LAMA2: variants seen among roughly 807,000 people sequenced by gnomAD.
LAMA2 encodes laminin subunit alpha 2, also known as laminin subunit alpha-2.
A neutral mutation model predicts 364.8 loss-of-function variants in LAMA2; 269 were observed. The ratio of observed to expected loss-of-function variants is 0.74; its 90% CI spans 0.67 to 0.82. The LOEUF (loss-of-function observed/expected upper bound fraction) is 0.82, where lower values mean the gene tolerates loss of function less well. Ranked by LOEUF, LAMA2 falls within the 40% of genes least tolerant of loss-of-function variation. LAMA2 has a pLI of 0.00. For synonymous variants in LAMA2, 1,379 were observed against 1,370.6 expected (o/e 1.01, Z -0.14); for missense variants, 3,807 against 3,873.2 (o/e 0.98, Z 0.45).
chr6:129,125,912 T>C (rs1393556663), intron 4 of LAMA2, among the ~76,000 whole-genome samples: 1 of 152,132 alleles, frequency 6.6e-6, no homozygotes, highest in Non-Finnish European at 1.5e-5. Flanking sequence ...TAAATTTACA[T>C]AATTAGAAAT....
At chr6:129,038,838 G>A (rs1786871795) in intron 1 of LAMA2, among the ~76,000 whole-genome samples, 1 of 152,196 alleles carries the variant, frequency 6.6e-6, no homozygotes, top group Non-Finnish European at 1.5e-5. Context: ...AATGGAGGAT[G>A]AATGTTGGAC....
intron 1 of LAMA2, chr6:128,929,244 G>C (rs2114509551): frequency 6.9e-7 from 1 of 1,458,218 alleles, no homozygotes; most frequent in Non-Finnish European, 9.6e-7. Context: ...TTGATGTACT[G>C]TAAGAGACCG....
chr6:129,353,299 G>T lies in LAMA2; in HGVS notation c.4659G>T (p.Thr1553=). The change falls in exon 32 of 65, where the codon ACG becomes ACT. Residue 1553 remains threonine (T), a synonymous_variant. Transcript: ENST00000421865. ...TGFCTCRPGA[T]GRKCDGCKHW... is the part of the protein sequence containing the mutation. The stretch of plus-strand genomic sequence containing the variant: ...TCTGCACGTGCCGACCTGGAGCCAC[G>T]GGAAGGAAGTGTGACGGCTGCAAGC... 6.2e-7 allele frequency: 1 copy of T among 1,614,112 alleles called. No individual in the cohort carries two copies. The highest frequency in any genetic ancestry group is 8.5e-7 in the Non-Finnish European group (1 of 1,179,992).
chr6:129,246,428 G>A (rs1785755126), intron 12 of LAMA2, among the ~76,000 whole-genome samples: 1 of 152,144 alleles, frequency 6.6e-6, no homozygotes, highest in Non-Finnish European at 1.5e-5. Context: ...GTATTGCTGT[G>A]TGTCCTTCAA....
At chr6:129,189,257 A>T (rs1362115226) in intron 10 of LAMA2, among the ~76,000 whole-genome samples, 1 of 152,026 alleles carries the variant, frequency 6.6e-6, no homozygotes, top group African/African-American at 2.4e-5. Context: ...AAGCCTCAGT[A>T]TTGATAATAA....
rs1209056103 is a variant in LAMA2, at chr6:129,378,828, A to G, written c.4960-4294A>G. ...CCTTTTCACCTGTGTAAAAAGAGGG[A>G]TGATGCCTTCTATATATCTCTAAAT... On this transcript the variant is annotated intron_variant, in intron 34 of 64. Coordinates refer to ENST00000421865, the MANE Select transcript of LAMA2 (RefSeq NM_000426.4). 2.6e-5 allele frequency among the ~76,000 whole-genome samples: 4 copies of G among 152,304 alleles called. No homozygotes were observed. In the East Asian group the frequency reaches 7.7e-4, roughly 29 times the overall value.
chr6:129,394,773 C>T (rs1779514459), intron 37 of LAMA2, among the ~76,000 whole-genome samples: 1 of 152,184 alleles, frequency 6.6e-6, no homozygotes, highest in Non-Finnish European at 1.5e-5. Flanking sequence ...TTATATGGCA[C>T]AGTCAATAGT....
chr6:129,252,320 A>G (rs766513191), intron 14 of LAMA2, 25 bp downstream of exon 14: 29 of 1,562,908 alleles, frequency 1.9e-5, no homozygotes, highest in Middle Eastern at 1.7e-4. Context: ...TGCAGCTCCA[A>G]CGTTCACACA....
chr6:129,175,269 GT>G (rs1334811470), intron 9 of LAMA2, among the ~76,000 whole-genome samples: 1 of 152,120 alleles, frequency 6.6e-6, no homozygotes, highest in Non-Finnish European at 1.5e-5. Flanking sequence ...CCCACCAGTT[GT>G]GCTCCTTTGG....
chr6:129,070,609 C>A (rs1015641492), intron 3 of LAMA2, among the ~76,000 whole-genome samples: 35 of 152,172 alleles, frequency 2.3e-4, no homozygotes, highest in African/African-American at 7.0e-4. Context: ...CAAGAAGTAA[C>A]CTTACTTATT....
At chr6:129,285,147 A>C (rs553737171) in intron 18 of LAMA2, among the ~76,000 whole-genome samples, 15 of 152,292 alleles carry the variant, frequency 9.8e-5, no homozygotes, top group Admixed American at 2.0e-4. Flanking sequence ...TTTTATTAAT[A>C]AAAGTTATAT....
intron 18 of LAMA2, among the ~76,000 whole-genome samples, chr6:129,282,816 C>G (rs2114399528): frequency 6.6e-6 from 1 of 152,252 alleles, no homozygotes; most frequent in South Asian, 2.1e-4. Flanking sequence ...ATCCCATTTT[C>G]TATTTGAAAA....
At chr6:129,137,610 G>T (rs1310619672) in intron 4 of LAMA2, among the ~76,000 whole-genome samples, 1 of 151,746 alleles carries the variant, frequency 6.6e-6, no homozygotes, top group Non-Finnish European at 1.5e-5. Flanking sequence ...GTCAATAAAT[G>T]GAATTAAAAA....
chr6:129,090,305 T>G (rs1423439406), intron 3 of LAMA2, among the ~76,000 whole-genome samples: 1 of 152,190 alleles, frequency 6.6e-6, no homozygotes, highest in Non-Finnish European at 1.5e-5. Context: ...AAATTCCATA[T>G]GTATTACTCG....
chr6:128,925,428 T>A (rs1424342548), intron 1 of LAMA2, among the ~76,000 whole-genome samples: 1 of 152,192 alleles, frequency 6.6e-6, no homozygotes, highest in African/African-American at 2.4e-5. Flanking sequence ...CAAATGCTGT[T>A]ATGATTCTAC....
intron 60 of LAMA2, 136 bp downstream of exon 60, chr6:129,503,416 A>G (rs1277905312): frequency 3.8e-6 from 3 of 798,116 alleles, no homozygotes; most frequent in East Asian, 5.3e-5. Context: ...TAAGTGCCAT[A>G]TACAACTACC....
At chr6:129,054,644 TTTAAA>T (rs1225196840) in intron 2 of LAMA2, among the ~76,000 whole-genome samples, 1 of 149,440 alleles carries the variant, frequency 6.7e-6, no homozygotes. Flanking sequence ...TTATTAAATA[TTTAAA>T]TTAAACATGA....
At chr6:128,929,946 G>A in intron 1 of LAMA2, 1 of 732,270 alleles carries the variant, frequency 1.4e-6, no homozygotes, top group Non-Finnish European at 2.4e-6. Flanking sequence ...AGCCCCACCT[G>A]GACCCACCAC....
At chr6:129,330,602 T>TTTG (rs1554273769) in intron 29 of LAMA2, among the ~76,000 whole-genome samples, 4 of 63,026 alleles carry the variant, frequency 6.3e-5, no homozygotes, top group Non-Finnish European at 1.4e-4. Flanking sequence ...GTTTTTGTTT[T>TTTG]TTTTTTTTTT....
Sources: gnomAD v4.1 joint callset for allele counts (sites outside exome capture counted in the v4.1 genomes callset) on GRCh38, gnomAD v4.1.1 for gene constraint, MANE v1.5 for transcripts, NCBI Gene and HGNC (gene_info 2026-07-23, HGNC 2026-07-21) for gene names.